Variants in MED12L observed in about 807,000 individuals in gnomAD.
MED12L encodes mediator complex subunit 12L.
MED12L carries 60 observed loss-of-function variants against 281.3 expected under a neutral mutation model. The ratio of observed to expected loss-of-function variants is 0.21; its 90% CI spans 0.17 to 0.26. MED12L has a LOEUF of 0.26. Ranked by LOEUF, MED12L falls within the 10% of genes least tolerant of loss-of-function variation. MED12L has a pLI of 1.00. For synonymous variants in MED12L, 974 were observed against 987.2 expected (o/e 0.99, Z 0.25); for missense variants, 2,146 against 2,680.9 (o/e 0.80, Z 4.41).
rs372648866 is a variant in MED12L, at chr3:151,435,018, G to C, written c.*2214G>C. On this transcript the variant is annotated 3_prime_UTR_variant, in exon 45 of 45. Coordinates refer to ENST00000687756, the MANE Select transcript of MED12L (RefSeq NM_001393769.1). Reference sequence around the variant, plus strand: ...AAAGAAAATAACTAGAATTACTTTAGTCTTCAGATTTTCTCCCTGTTAATT... The same window carrying C: ...AAAGAAAATAACTAGAATTACTTTACTCTTCAGATTTTCTCCCTGTTAATT... The C allele has an allele frequency of 6.8e-6, 1 of 147,716 alleles. No homozygotes were observed. The highest frequency in any genetic ancestry group is 2.5e-5 in the African/African-American group (1 of 40,100). The allele number at this position is 147,716 out of a possible 1,614,324, so 9.2% of individuals were successfully genotyped here.
chr3:151,363,190 G>A (rs1754835628), intron 21 of MED12L, among the ~76,000 whole-genome samples: 1 of 152,092 alleles, frequency 6.6e-6, no homozygotes, highest in African/African-American at 2.4e-5. Context: ...GATTGGCACT[G>A]TCTAAAGTTT....
intron 5 of MED12L, 120 bp downstream of exon 5, chr3:151,128,104 A>C: frequency 1.2e-6 from 1 of 852,582 alleles, no homozygotes; most frequent in Non-Finnish European, 1.8e-6. Flanking sequence ...GGTGAGACTG[A>C]TTTGCTCGGG....
At chr3:151,295,272 G>C (rs1210400482) in intron 16 of MED12L, 1 of 1,188,740 alleles carries the variant, frequency 8.4e-7, no homozygotes, top group African/African-American at 1.5e-5. Flanking sequence ...CAGGCTACTA[G>C]GTTCCCTTAC....
chr3:151,352,282 G>A lies in MED12L; in HGVS notation c.2398+2076G>A, dbSNP rs559824508. ...TGCACTCAAAGTTTCATATTTTGGA[G>A]AATTTCAGATTTTGGATTCTCAGAA... On this transcript the variant is annotated intron_variant, in intron 17 of 44. Coordinates refer to ENST00000687756, the MANE Select transcript of MED12L (RefSeq NM_001393769.1). Among the ~76,000 whole-genome samples, 46 of 152,256 alleles carry A rather than the reference G, an allele frequency of 3.0e-4. No individual in the cohort carries two copies. In the South Asian group the frequency reaches 6.2e-3, roughly 21 times the overall value.
At chr3:151,092,087 C>G (rs1176792343) in intron 2 of MED12L, among the ~76,000 whole-genome samples, 1 of 152,168 alleles carries the variant, frequency 6.6e-6, no homozygotes, top group Admixed American at 6.5e-5. Flanking sequence ...TTGAGTCACC[C>G]CTTCCAACTT....
intron 16 of MED12L, chr3:151,328,529 A>G: frequency 1.2e-6 from 2 of 1,613,976 alleles, no homozygotes; most frequent in Middle Eastern, 1.7e-4. Flanking sequence ...CGTATTTGGC[A>G]GGGAGATGAA....
intron 26 of MED12L, among the ~76,000 whole-genome samples, chr3:151,371,420 C>T (rs1024750494): frequency 6.6e-6 from 1 of 152,100 alleles, no homozygotes; most frequent in Middle Eastern, 3.2e-3. Flanking sequence ...TAAATGAAAT[C>T]CTGTGGGTAA....
At chr3:151,300,312 C>T (rs1326476103) in intron 16 of MED12L, 21 of 595,388 alleles carry the variant, frequency 3.5e-5, no homozygotes. Context: ...AGCATGTGCT[C>T]TTTGGAGATG....
chr3:151,247,761 TAAAA>T (rs71138490), intron 16 of MED12L, among the ~76,000 whole-genome samples: 2 of 144,164 alleles, frequency 1.4e-5, no homozygotes, highest in African/African-American at 2.6e-5. Context: ...TAATGTATAA[TAAAA>T]AAAAAAAGCA....
At chr3:151,295,130 T>A (rs776856960) in intron 16 of MED12L, 23 of 1,613,618 alleles carry the variant, frequency 1.4e-5, no homozygotes, top group Non-Finnish European at 1.9e-5. Flanking sequence ...TGTGTCAAAT[T>A]CATTGTGAAG....
At chr3:151,319,468 C>CGTGTGTGTGTGTGTGTGT (rs34335179) in intron 16 of MED12L, among the ~76,000 whole-genome samples, 2 of 145,552 alleles carry the variant, frequency 1.4e-5, no homozygotes, top group Non-Finnish European at 3.0e-5. Flanking sequence ...TGTGTGTGTG[C>CGTGTGTGTGTGTGTGTGT]GTGTGTGTGT....
intron 20 of MED12L, among the ~76,000 whole-genome samples, chr3:151,357,746 T>C (rs77311220): frequency 0.022 from 3,381 of 152,368 alleles, 65 homozygotes; most frequent in Middle Eastern, 0.041. Context: ...AGACTCAACA[T>C]CAAATAAGCT....
intron 16 of MED12L, chr3:151,300,221 G>A: frequency 2.1e-5 from 16 of 768,512 alleles, no homozygotes; most frequent in Admixed American, 1.0e-4. Context: ...TGAAAAATGA[G>A]GAAAAAATCA....
Position 151,384,864 on chromosome 3 carries a change from T to C in MED12L, c.4927-166T>C, listed in dbSNP as rs2108169651. On this transcript the variant is annotated intron_variant, in intron 35 of 44. Transcript: ENST00000687756. ...TTAAATAGAAGAAATGAAACACTCATTGCTCTATTTGGAACTGCCTTGTAG... is the reference window on the plus strand; with the variant it reads ...TTAAATAGAAGAAATGAAACACTCACTGCTCTATTTGGAACTGCCTTGTAG... 6.9e-6 allele frequency: 4 copies of C among 576,640 alleles called. No homozygotes were observed. In the South Asian group the frequency reaches 8.8e-5, roughly 13 times the overall value. The allele number at this position is 576,640 out of a possible 1,614,324, so 35.7% of individuals were successfully genotyped here.
intron 44 of MED12L, among the ~76,000 whole-genome samples, chr3:151,432,131 C>T (rs932766096): frequency 1.3e-5 from 2 of 152,204 alleles, no homozygotes; most frequent in Admixed American, 6.5e-5. Context: ...AATGGGGCCT[C>T]CGGATTTGAA....
chr3:151,244,857 T>C (rs905889047), intron 16 of MED12L, among the ~76,000 whole-genome samples: 3 of 151,848 alleles, frequency 2.0e-5, no homozygotes, highest in Admixed American at 1.3e-4. Context: ...ATCAACAAAA[T>C]TGATAGACCG....
chr3:151,387,071 C>T (rs1345630897), intron 36 of MED12L, among the ~76,000 whole-genome samples: 15 of 152,154 alleles, frequency 9.9e-5, no homozygotes, highest in Non-Finnish European at 1.8e-4. Context: ...AACAGTAACA[C>T]TTACATCTTA....
intron 11 of MED12L, among the ~76,000 whole-genome samples, chr3:151,171,583 C>A (rs771122550): frequency 1.3e-5 from 2 of 152,174 alleles, no homozygotes; most frequent in African/African-American, 4.8e-5. Flanking sequence ...ACACCCCAGA[C>A]GGGGAAACTT....
intron 16 of MED12L, among the ~76,000 whole-genome samples, chr3:151,257,044 G>A (rs1055702418): frequency 1.6e-4 from 24 of 152,188 alleles, no homozygotes; most frequent in African/African-American, 5.1e-4. Context: ...CAGAAAAGCA[G>A]CACGATACAG....
Sources: allele counts gnomAD v4.1 joint callset (sites outside exome capture counted in the v4.1 genomes callset), GRCh38; gene constraint gnomAD v4.1.1; transcripts MANE v1.5; gene names NCBI Gene and HGNC (gene_info 2026-07-23, HGNC 2026-07-21).